SLC24A2: variants seen among roughly 807,000 people sequenced by gnomAD.
SLC24A2 encodes the protein sodium/potassium/calcium exchanger 2.
Under a neutral mutation model 62.0 loss-of-function variants are expected in SLC24A2, and 36 were observed. That is an observed-to-expected ratio of 0.58 (90% CI 0.44 to 0.77). The LOEUF is 0.77. SLC24A2 is among the 30% of genes least tolerant of loss of function. The pLI is 0.00. For synonymous variants in SLC24A2, 358 were observed against 294.0 expected, an observed-to-expected ratio of 1.22 and a Z score of -2.23; for missense variants, 846 against 817.9, an observed-to-expected ratio of 1.03 and a Z score of -0.42.
At chr9:20,103,969 T>C in the SLC24A2 span, among the ~76,000 whole-genome samples, 1 of 152,086 alleles carries the variant, frequency 6.6e-6, no homozygotes, top group Non-Finnish European at 1.5e-5. Context: ...TAGAAGAATG[T>C]ATAACTAGAA....
At chr9:19,970,940 T>C in the SLC24A2 span, among the ~76,000 whole-genome samples, 1 of 152,206 alleles carries the variant, frequency 6.6e-6, no homozygotes, top group Non-Finnish European at 1.5e-5. Flanking sequence ...TAACATTTCA[T>C]GATCATACTC....
chr9:19,583,840 G>T (rs896592524), intron 5 of SLC24A2, among the ~76,000 whole-genome samples: 1 of 152,152 alleles, frequency 6.6e-6, no homozygotes, highest in Non-Finnish European at 1.5e-5. Flanking sequence ...CTTTCCATAG[G>T]ACAGAAGGTT....
At chr9:20,205,433 G>C in the SLC24A2 span, among the ~76,000 whole-genome samples, 1 of 151,980 alleles carries the variant, frequency 6.6e-6, no homozygotes, top group Non-Finnish European at 1.5e-5. Context: ...CGGATTACAA[G>C]GTCAGGAGAT....
At chr9:20,163,970 C>G in the SLC24A2 span, among the ~76,000 whole-genome samples, 2 of 152,122 alleles carry the variant, frequency 1.3e-5, no homozygotes, top group Non-Finnish European at 1.5e-5. Context: ...ATATCTTATA[C>G]AAAAATTAAT....
the SLC24A2 span, among the ~76,000 whole-genome samples, chr9:19,952,151 G>A: frequency 6.6e-6 from 1 of 151,818 alleles, no homozygotes; most frequent in South Asian, 2.1e-4. Context: ...AGAAACAATT[G>A]ATTTTTGTAT....
chr9:20,152,399 T>C, the SLC24A2 span, among the ~76,000 whole-genome samples: 1 of 151,916 alleles, frequency 6.6e-6, no homozygotes, highest in Non-Finnish European at 1.5e-5. Context: ...AAAATCCAAG[T>C]TCTTTAGTAA....
the SLC24A2 span, among the ~76,000 whole-genome samples, chr9:19,894,712 G>GA: frequency 3.3e-5 from 5 of 151,804 alleles, no homozygotes; most frequent in African/African-American, 1.2e-4. Flanking sequence ...AATAGAAAAA[G>GA]AAAAAATGGG....
chr9:19,826,541 G>T, the SLC24A2 span, among the ~76,000 whole-genome samples: 1 of 152,168 alleles, frequency 6.6e-6, no homozygotes, highest in Non-Finnish European at 1.5e-5. Context: ...CCAAGATCAA[G>T]ATGCTGGCAC....
the SLC24A2 span, among the ~76,000 whole-genome samples, chr9:20,175,507 C>G: frequency 2.0e-5 from 3 of 151,990 alleles, no homozygotes; most frequent in African/African-American, 7.2e-5. Context: ...AAATATTATG[C>G]TATGTATATT....
chr9:20,069,846 G>A, the SLC24A2 span, among the ~76,000 whole-genome samples: 3 of 152,072 alleles, frequency 2.0e-5, no homozygotes, highest in Admixed American at 2.0e-4. Context: ...TGTCTCCTCA[G>A]TGGACTCTCA....
chr9:19,843,440 A>G, the SLC24A2 span, among the ~76,000 whole-genome samples: 1 of 152,238 alleles, frequency 6.6e-6, no homozygotes, highest in African/African-American at 2.4e-5. Flanking sequence ...TGAACCTGGG[A>G]GGCGGAGGTT....
the SLC24A2 span, among the ~76,000 whole-genome samples, chr9:19,883,182 A>C: frequency 6.6e-6 from 1 of 152,212 alleles, no homozygotes; most frequent in African/African-American, 2.4e-5. Context: ...TAGGAATATC[A>C]TGTTTGCACC....
At chr9:20,243,962 A>AG in the SLC24A2 span, among the ~76,000 whole-genome samples, 1 of 151,996 alleles carries the variant, frequency 6.6e-6, no homozygotes, top group Non-Finnish European at 1.5e-5. Context: ...AGTGGGGAGG[A>AG]GGGGGATCAG....
the SLC24A2 span, among the ~76,000 whole-genome samples, chr9:20,205,166 A>G: frequency 6.6e-6 from 1 of 152,228 alleles, no homozygotes; most frequent in East Asian, 1.9e-4. Context: ...AATTCTTAAT[A>G]AACACACTTT....
chr9:19,813,785 C>T, the SLC24A2 span, among the ~76,000 whole-genome samples: 3 of 152,016 alleles, frequency 2.0e-5, no homozygotes, highest in African/African-American at 7.2e-5. Flanking sequence ...GGATTAGTGC[C>T]CTTATAAAGA....
chr9:20,230,074 T>G, the SLC24A2 span, among the ~76,000 whole-genome samples: 14 of 152,212 alleles, frequency 9.2e-5, no homozygotes, highest in Non-Finnish European at 1.3e-4. Flanking sequence ...CATCATTTTT[T>G]ATGGCTGCAT....
the SLC24A2 span, among the ~76,000 whole-genome samples, chr9:19,960,435 T>G: frequency 6.6e-6 from 1 of 152,176 alleles, no homozygotes; most frequent in Non-Finnish European, 1.5e-5. Flanking sequence ...TGGAAACCAA[T>G]GAGGTGGAAG....
chr9:20,242,296 A>G, the SLC24A2 span, among the ~76,000 whole-genome samples: 1 of 152,242 alleles, frequency 6.6e-6, no homozygotes, highest in Non-Finnish European at 1.5e-5. Flanking sequence ...AAATAGGGCT[A>G]AAGAAACACT....
chr9:19,793,092 A>G (rs116928458), upstream of SLC24A2, among the ~76,000 whole-genome samples: 49 of 152,322 alleles, frequency 3.2e-4, no homozygotes, highest in Non-Finnish European at 5.3e-4. Context: ...TGGCTAACAC[A>G]TATCTGTGGA....
Sources: gnomAD v4.1 joint callset for allele counts (sites outside exome capture counted in the v4.1 genomes callset) on GRCh38, gnomAD v4.1.1 for gene constraint, MANE v1.5 for transcripts, NCBI Gene and HGNC (gene_info 2026-07-23, HGNC 2026-07-21) for gene names.